The following C3orf52 variants were observed in gnomAD, a reference collection of about 807,000 sequenced individuals.
C3orf52 encodes chromosome 3 open reading frame 52.
C3orf52 carries 22 observed loss-of-function variants against 24.8 expected under a neutral mutation model. The ratio of observed to expected loss-of-function variants is 0.89; its 90% CI spans 0.63 to 1.27. The LOEUF (loss-of-function observed/expected upper bound fraction) is 1.27. Ranked by LOEUF, C3orf52 falls within the 50% of genes most tolerant of loss-of-function variation. The pLI, the probability that C3orf52 is intolerant of heterozygous loss-of-function variation, is 0.00. For synonymous variants in C3orf52, 93 were observed against 100.2 expected (o/e 0.93, Z 0.43); for missense variants, 265 against 260.7 (o/e 1.02, Z -0.11).
At chr3:112,098,815 G>A (rs1042818511) in intron 2 of C3orf52, among the ~76,000 whole-genome samples, 7 of 151,940 alleles carry the variant, frequency 4.6e-5, no homozygotes, top group Non-Finnish European at 7.4e-5. Context: ...CAGCTTTCTG[G>A]GCCTCTTTTA....
intron 5 of C3orf52, among the ~76,000 whole-genome samples, chr3:112,114,216 G>A (rs1008981143): frequency 1.3e-5 from 2 of 152,050 alleles, no homozygotes; most frequent in Non-Finnish European, 2.9e-5. Flanking sequence ...AGTAATGTTG[G>A]CCTAAGAAGG....
At chr3:112,092,121 G>A (rs1472661137) in intron 1 of C3orf52, among the ~76,000 whole-genome samples, 3 of 152,210 alleles carry the variant, frequency 2.0e-5, no homozygotes, top group Non-Finnish European at 4.4e-5. Flanking sequence ...GGTGAACGCT[G>A]AGGAATGACT....
intron 3 of C3orf52, among the ~76,000 whole-genome samples, chr3:112,105,284 T>G (rs2074012740): frequency 6.6e-6 from 1 of 152,198 alleles, no homozygotes; most frequent in Non-Finnish European, 1.5e-5. Context: ...AAGAATTATC[T>G]TATTTACAAA....
chr3:112,135,785 G>A (rs1398356285), downstream of C3orf52, among the ~76,000 whole-genome samples: 1 of 151,902 alleles, frequency 6.6e-6, no homozygotes, highest in Non-Finnish European at 1.5e-5. Context: ...ATAGGAAACT[G>A]GCTAGAAAAT....
rs865837111 is a variant in C3orf52, at chr3:112,104,669, G to A, written c.396+1704G>A. On this transcript the variant is annotated intron_variant, in intron 3 of 5. Coordinates refer to ENST00000264848, the MANE Select transcript of C3orf52 (RefSeq NM_024616.3). ...ATTTTTTATTTCCGTAGGTTTTGGG[G>A]GACCAGGTGGTATTTGGTTACATGA... Among the ~76,000 whole-genome samples the A allele has an allele frequency of 7.5e-4, 114 of 151,758 alleles. 1 individual carries two copies. Among genetic ancestry groups the A allele is most frequent in the African/African-American group, 2.7e-3 (111 of 41,318 alleles).
At chr3:112,108,725 A>G (rs568489751) in intron 3 of C3orf52, among the ~76,000 whole-genome samples, 1 of 152,358 alleles carries the variant, frequency 6.6e-6, no homozygotes, top group African/African-American at 2.4e-5. Flanking sequence ...TTAGAAGATT[A>G]TGTAGAATAT....
chr3:112,130,780 A>T (rs1370991844), downstream of C3orf52: 9 of 480,618 alleles, frequency 1.9e-5, no homozygotes, highest in Non-Finnish European at 2.7e-5. Flanking sequence ...GATCCCAAAT[A>T]TCCAGGGATC....
chr3:112,113,260 TATTC>T, intron 5 of C3orf52, 115 bp downstream of exon 5: 2 of 726,626 alleles, frequency 2.8e-6, no homozygotes, highest in Non-Finnish European at 4.5e-6. Flanking sequence ...TGTGTCAGAC[TATTC>T]ATTTATTCAC....
intron 4 of C3orf52, chr3:112,112,508 A>C (rs1233222457): frequency 1.7e-5 from 3 of 173,410 alleles, no homozygotes; most frequent in Non-Finnish European, 1.3e-5. Context: ...TCAAATAAAG[A>C]ATTGGTTAAA....
chr3:112,132,778 T>C (rs756988420), downstream of C3orf52: 7 of 475,396 alleles, frequency 1.5e-5, no homozygotes, highest in Non-Finnish European at 2.0e-5. Context: ...GAGCATCTCC[T>C]TCCCGGGCTT....
chr3:112,091,445 G>A (rs2073876375), intron 1 of C3orf52, among the ~76,000 whole-genome samples: 1 of 152,176 alleles, frequency 6.6e-6, no homozygotes, highest in Non-Finnish European at 1.5e-5. Flanking sequence ...GGCAGGTGGG[G>A]AGGGAGGCTT....
At chr3:112,086,747 G>A (rs9881049) in intron 1 of C3orf52, among the ~76,000 whole-genome samples, 3 of 152,114 alleles carry the variant, frequency 2.0e-5, no homozygotes, top group Non-Finnish European at 2.9e-5. Flanking sequence ...CCAGCCCCTG[G>A]GGTCCTCCAA....
At chr3:112,135,966 A>G (rs2074546928), downstream of C3orf52, among the ~76,000 whole-genome samples, 1 of 152,184 alleles carries the variant, frequency 6.6e-6, no homozygotes. Context: ...ATGTTCTCTC[A>G]CTGTAGCTTT....
chr3:112,105,764 A>C (rs886895033), intron 3 of C3orf52, among the ~76,000 whole-genome samples: 1 of 148,890 alleles, frequency 6.7e-6, no homozygotes, highest in East Asian at 2.0e-4. Flanking sequence ...CAGAGCTTGC[A>C]GTGAGCCGAG....
At position 112,117,298 on chromosome 3, in the gene C3orf52, T is replaced by C. The variant is rs2074144442; in HGVS notation, c.*652T>C. 3.3e-6 allele frequency: 1 copy of C among 305,312 alleles called. No homozygotes were observed. Among genetic ancestry groups the C allele is most frequent in the Admixed American group, 4.6e-5 (1 of 21,702 alleles). The allele number at this position is 305,312 out of a possible 1,614,324, so 18.9% of individuals were successfully genotyped here. A position where few individuals can be genotyped will look rare whatever the true frequency, so the allele number is the denominator to read the frequency against. On this transcript the variant is annotated 3_prime_UTR_variant, in exon 6 of 6. Coordinates refer to ENST00000264848, the MANE Select transcript of C3orf52 (RefSeq NM_024616.3). ...GTTCTGTGTCTACTTCCATGACCTG[T>C]ACCTGAGTATCTTAGCCAGCCAGCC...
chr3:112,101,856 G>A (rs904479869), intron 2 of C3orf52, among the ~76,000 whole-genome samples: 2 of 152,192 alleles, frequency 1.3e-5, no homozygotes, highest in Admixed American at 6.5e-5. Flanking sequence ...GGACCAGCTG[G>A]TGAGGCTGTT....
intron 2 of C3orf52, 140 bp from the exon 3 acceptor site, chr3:112,102,698 C>T (rs2073984460): frequency 2.7e-6 from 2 of 739,946 alleles, no homozygotes; most frequent in Non-Finnish European, 4.2e-6. Context: ...TTTCTGCTTA[C>T]ACTTGCTTGC....
intron 3 of C3orf52, among the ~76,000 whole-genome samples, chr3:112,103,536 G>C (rs2073996748): frequency 1.3e-5 from 2 of 152,184 alleles, no homozygotes; most frequent in South Asian, 4.1e-4. Flanking sequence ...TGATGTGCTA[G>C]ACAGCATGCC....
At position 112,107,730 on chromosome 3, in the gene C3orf52, G is replaced by T. The variant is rs543083109; in HGVS notation, c.397-1813G>T. Among the ~76,000 whole-genome samples the T allele has an allele frequency of 1.1e-3, 169 of 152,330 alleles. 1 individual carries two copies. The highest frequency in any genetic ancestry group is 1.9e-3 in the Non-Finnish European group (132 of 68,026). On this transcript the variant is annotated intron_variant, in intron 3 of 5. Transcript: ENST00000264848. ...CTGTTTAATTTTCCAGTAAAAAGGG[G>T]AGATATATTAATGCCTGTTTTGCCA...
Sources: allele counts gnomAD v4.1 joint callset (sites outside exome capture counted in the v4.1 genomes callset), GRCh38; gene constraint gnomAD v4.1.1; transcripts MANE v1.5; gene names NCBI Gene and HGNC (gene_info 2026-07-23, HGNC 2026-07-21).